The following ADGRB3 variants were observed in gnomAD, a reference collection of about 807,000 sequenced individuals.
The protein encoded by ADGRB3 is brain-specific angiogenesis inhibitor 3.
In ADGRB3, 37 loss-of-function variants were observed where a neutral mutation model predicts 193.4. The ratio of observed to expected loss-of-function variants is 0.19; its 90% CI spans 0.15 to 0.25. The LOEUF is 0.25. Ranked by LOEUF, ADGRB3 falls within the 10% of genes least tolerant of loss-of-function variation. ADGRB3 has a pLI of 1.00. For missense variants in ADGRB3, 1,637 were observed against 1,852.9 expected (o/e 0.88, Z 2.14); for synonymous variants, 690 against 644.2 (o/e 1.07, Z -1.08).
chr6:69,308,489 C>T (rs1195896246), intron 20 of ADGRB3, among the ~76,000 whole-genome samples: 1 of 149,722 alleles, frequency 6.7e-6, no homozygotes, highest in African/African-American at 2.5e-5. Context: ...CCAGTTGGTT[C>T]GTACTTTGCA....
At chr6:69,366,469 A>G (rs1326160262) in intron 29 of ADGRB3, among the ~76,000 whole-genome samples, 1 of 152,150 alleles carries the variant, frequency 6.6e-6, no homozygotes, top group Non-Finnish European at 1.5e-5. Flanking sequence ...AGTGACGAAA[A>G]TAATGAAGTA....
chr6:68,704,227 A>T (rs929131007), intron 3 of ADGRB3, among the ~76,000 whole-genome samples: 2 of 152,218 alleles, frequency 1.3e-5, no homozygotes, highest in African/African-American at 4.8e-5. Context: ...TTATTGAAGC[A>T]TCTAGGCTTA....
chr6:69,333,735 A>C (rs1768776488), intron 24 of ADGRB3, among the ~76,000 whole-genome samples: 1 of 150,776 alleles, frequency 6.6e-6, no homozygotes, highest in African/African-American at 2.4e-5. Context: ...AGATCACGAG[A>C]TCGAGACCAC....
intron 3 of ADGRB3, among the ~76,000 whole-genome samples, chr6:68,884,929 C>A (rs1765863548): frequency 6.6e-6 from 1 of 152,038 alleles, no homozygotes; most frequent in African/African-American, 2.4e-5. Context: ...ATTTGAAGAT[C>A]ACTGATATAA....
At chr6:68,844,750 A>C (rs1768239835) in intron 3 of ADGRB3, among the ~76,000 whole-genome samples, 2 of 152,200 alleles carry the variant, frequency 1.3e-5, no homozygotes, top group African/African-American at 4.8e-5. Flanking sequence ...GGATAAAGAA[A>C]ATTTGGTACA....
At chr6:68,700,773 A>G (rs1765229726) in intron 3 of ADGRB3, among the ~76,000 whole-genome samples, 1 of 143,838 alleles carries the variant, frequency 7.0e-6, no homozygotes, top group South Asian at 2.2e-4. Context: ...TTGAACAATG[A>G]GAACACTTGG....
At chr6:69,384,978 G>T (rs1263509038) in intron 31 of ADGRB3, among the ~76,000 whole-genome samples, 2 of 147,834 alleles carry the variant, frequency 1.4e-5, no homozygotes, top group Non-Finnish European at 3.0e-5. Flanking sequence ...TTTTTTCCGG[G>T]CTGCTGACTC....
chr6:68,921,434 A>G (rs1007834176), intron 3 of ADGRB3, among the ~76,000 whole-genome samples: 1 of 152,206 alleles, frequency 6.6e-6, no homozygotes, highest in Non-Finnish European at 1.5e-5. Flanking sequence ...ATAGAAATCA[A>G]ATAGATTCAG....
chr6:69,233,322 G>T lies in ADGRB3; in HGVS notation c.2513G>T (p.Gly838Val). The change falls in exon 18 of 32, where the codon GGA becomes GTA. Residue 838 changes from glycine (G) to valine (V), a missense_variant. By Grantham distance (109) the Gly-to-Val change is moderately radical. Around this residue, in one of 7 missense-constraint regions of ADGRB3, gnomAD observed 641 missense variants for 673.9 expected, o/e 0.95. Transcript: ENST00000370598. ...TCTTTGGGAACGTGGTCCACCCAGG[G>T]ATGTAAAACTGTGCTTACCGATGCA... ...NESLGTWSTQ[G>V]CKTVLTDASH... is the part of the protein sequence containing the mutation. 6.2e-7 allele frequency: 1 copy of T among 1,614,028 alleles called. No individual in the cohort carries two copies. The highest frequency in any genetic ancestry group is 8.5e-7 in the Non-Finnish European group (1 of 1,180,008).
At chr6:68,968,099 T>C (rs1413369025) in intron 8 of ADGRB3, among the ~76,000 whole-genome samples, 2 of 145,864 alleles carry the variant, frequency 1.4e-5, no homozygotes, top group Non-Finnish European at 3.0e-5. Flanking sequence ...GAGAGGACGT[T>C]TTATTTTTCC....
intron 3 of ADGRB3, among the ~76,000 whole-genome samples, chr6:68,676,611 G>T (rs1489886904): frequency 6.6e-6 from 1 of 152,080 alleles, no homozygotes; most frequent in Non-Finnish European, 1.5e-5. Flanking sequence ...ACATTTTTAT[G>T]CACGTTGTTT....
chr6:68,877,443 T>TA (rs1765625039), intron 3 of ADGRB3, among the ~76,000 whole-genome samples: 2 of 152,226 alleles, frequency 1.3e-5, no homozygotes, highest in East Asian at 3.9e-4. Flanking sequence ...TCATAATTTG[T>TA]AACATTAAGA....
At chr6:68,811,393 A>G (rs1461009340) in intron 3 of ADGRB3, among the ~76,000 whole-genome samples, 1 of 152,152 alleles carries the variant, frequency 6.6e-6, no homozygotes, top group East Asian at 1.9e-4. Context: ...TTTATATTTC[A>G]TGTTATTTTA....
chr6:69,325,468 C>A (rs1768547346), intron 21 of ADGRB3, among the ~76,000 whole-genome samples: 2 of 151,958 alleles, frequency 1.3e-5, no homozygotes, highest in East Asian at 3.9e-4. Flanking sequence ...GGGAGAACAC[C>A]ATCTAGAGAA....
At chr6:69,072,679 T>C (rs932474229) in intron 16 of ADGRB3, among the ~76,000 whole-genome samples, 11 of 152,236 alleles carry the variant, frequency 7.2e-5, no homozygotes, top group Admixed American at 3.3e-4. Context: ...GGATCTGTTA[T>C]CTCAAGTTCC....
At chr6:68,721,682 T>C (rs1765585271) in intron 3 of ADGRB3, among the ~76,000 whole-genome samples, 1 of 147,750 alleles carries the variant, frequency 6.8e-6, no homozygotes, top group Non-Finnish European at 1.5e-5. Context: ...TTCAATAAGC[T>C]ATAGATGTAT....
At chr6:69,384,552 A>T (rs2127240987) in intron 31 of ADGRB3, among the ~76,000 whole-genome samples, 1 of 152,232 alleles carries the variant, frequency 6.6e-6, no homozygotes, top group Non-Finnish European at 1.5e-5. Flanking sequence ...AACTGCTATA[A>T]TATGATTGTA....
chr6:69,174,607 A>G (rs146821677), intron 17 of ADGRB3, among the ~76,000 whole-genome samples: 1 of 152,322 alleles, frequency 6.6e-6, no homozygotes, highest in African/African-American at 2.4e-5. Context: ...TCCTTTGGGT[A>G]TATACCCCAC....
chr6:69,245,466 T>A (rs1766479869), intron 20 of ADGRB3, among the ~76,000 whole-genome samples: 1 of 152,122 alleles, frequency 6.6e-6, no homozygotes, highest in Non-Finnish European at 1.5e-5. Context: ...AGAGAAAAAC[T>A]TCTGGAGCTT....
Sources: gnomAD v4.1 joint callset for allele counts (sites outside exome capture counted in the v4.1 genomes callset) on GRCh38, gnomAD v4.1.1 for gene constraint, gnomAD v4.1.1 regional missense constraint, MANE v1.5 for transcripts, NCBI Gene and HGNC (gene_info 2026-07-23, HGNC 2026-07-21) for gene names.